The following MAP3K14 variants were observed in gnomAD, a reference collection of about 807,000 sequenced individuals.
MAP3K14 encodes the protein NF-kappa-beta-inducing kinase.
A neutral mutation model predicts 99.2 loss-of-function variants in MAP3K14; 16 were observed. The ratio of observed to expected loss-of-function variants is 0.16; its 90% confidence interval spans 0.11 to 0.24. The LOEUF (loss-of-function observed/expected upper bound fraction) is 0.24, where lower values mean the gene tolerates loss of function less well. MAP3K14 is among the 10% of genes least tolerant of loss of function. The pLI, the probability that MAP3K14 is intolerant of heterozygous loss-of-function variation, is 1.00. For synonymous variants in MAP3K14, 462 were observed against 492.4 expected (o/e 0.94, Z 0.82); for missense variants, 784 against 1,208.7 (o/e 0.65, Z 5.21).
At position 45,264,759 on chromosome 17, in the gene MAP3K14, C is replaced by T. The variant is rs755774586; in HGVS notation, c.2721G>A (p.Gln907=). 1.2e-6 allele frequency: 2 copies of T among 1,613,452 alleles called. No individual in the cohort carries two copies. Among genetic ancestry groups the T allele is most frequent in the Non-Finnish European group, 1.7e-6 (2 of 1,179,696 alleles). ...GCACCTCCATGTCGTAGCGAACAGG[C>T]TGCCCGTCTTTGGTGACCAAGCTGA... ...AAFSLVTKDG[Q]PVRYDMEVPD... The change falls in exon 16 of 16, where the codon CAG becomes CAA. Residue 907 remains glutamine (Q), a synonymous_variant. Transcript: ENST00000344686.
intron 6 of MAP3K14, among the ~76,000 whole-genome samples, chr17:45,276,825 T>TTC (rs2044184104): frequency 5.6e-5 from 2 of 35,898 alleles, no homozygotes; most frequent in Non-Finnish European, 1.3e-4. Context: ...TTAGACTTCT[T>TTC]TTTTTTTTTT....
intron 1 of MAP3K14, among the ~76,000 whole-genome samples, chr17:45,294,967 G>A (rs904317307): frequency 6.6e-6 from 1 of 152,248 alleles, no homozygotes; most frequent in African/African-American, 2.4e-5. Flanking sequence ...GGACAGTGCT[G>A]TTCTGAGGTG....
rs537325979 is a variant in MAP3K14 at position 45,307,093 on chromosome 17, A to G, written c.-21+9867T>C. ...GCCAACATGGCAAAACGCTGCCTCC[A>G]CTAGAAATACAAAAATTAGCTGGGT... On this transcript the variant is annotated intron_variant, in intron 1 of 15. Coordinates refer to ENST00000344686, the MANE Select transcript of MAP3K14 (RefSeq NM_003954.5). Among the ~76,000 whole-genome samples, 7 of 152,224 alleles carry G rather than the reference A, an allele frequency of 4.6e-5. No homozygotes were observed. The South Asian group carries it at 1.0e-3, about 23-fold the overall frequency.
In MAP3K14 at chr17:45,287,357, C is replaced by A; in HGVS notation, c.334G>T (p.Glu112Ter). 6.2e-7 allele frequency: 1 copy of A among 1,613,912 alleles called. No homozygotes were observed. The highest frequency in any genetic ancestry group is 1.1e-5 in the South Asian group (1 of 91,064). ...IAGSKQYSQS[E>*]SLDQIPNNVA... ...TTGTTGGGGATCTGATCAAGACTCT[C>A]GGACTGGCTGTCACAAAAGGGACAG... is the stretch of plus-strand genomic sequence containing the variant. The change falls in exon 4 of 16, where the codon GAG becomes TAG. Residue 112 changes from glutamate (E) to a stop codon, truncating the protein, a stop_gained. Transcript: ENST00000344686. LOFTEE classifies it high-confidence loss of function.
At chr17:45,303,154 G>A (rs760279556) in intron 1 of MAP3K14, among the ~76,000 whole-genome samples, 18 of 152,232 alleles carry the variant, frequency 1.2e-4, no homozygotes, top group African/African-American at 2.9e-4. Flanking sequence ...CACTGCTTGC[G>A]CAAAGGGGTG....
At chr17:45,313,556 C>A (rs547453387) in intron 1 of MAP3K14, among the ~76,000 whole-genome samples, 2 of 152,304 alleles carry the variant, frequency 1.3e-5, no homozygotes, top group South Asian at 4.1e-4. Context: ...TCTGACCTGA[C>A]AGCCTCAGCC....
At chr17:45,273,383 CG>C (rs1053134105) in intron 9 of MAP3K14, 119 bp downstream of exon 9, 1 of 702,812 alleles carries the variant, frequency 1.4e-6, no homozygotes, top group Non-Finnish European at 2.5e-6. Flanking sequence ...AGGCTGGTTG[CG>C]GGGCTTAAAC....
intron 1 of MAP3K14, among the ~76,000 whole-genome samples, chr17:45,295,822 A>G (rs1033439920): frequency 3.9e-5 from 6 of 152,172 alleles, no homozygotes; most frequent in African/African-American, 1.4e-4. Context: ...AAGAGGCTAA[A>G]TGAATGTTCA....
chr17:45,276,976 C>T (rs1167765892), intron 6 of MAP3K14, among the ~76,000 whole-genome samples: 4 of 151,570 alleles, frequency 2.6e-5, no homozygotes, highest in African/African-American at 4.9e-5. Context: ...ATTACAGGCA[C>T]GTGCCACCAC....
In MAP3K14 at chr17:45,267,972, G is replaced by A. The variant is rs1044886085; in HGVS notation, c.1973-213C>T. The A allele has an allele frequency of 7.8e-5, 39 of 496,936 alleles. No individual in the cohort carries two copies. Among genetic ancestry groups the A allele is most frequent in the Admixed American group, 2.1e-4 (5 of 24,274 alleles). The allele number at this position is 496,936 out of a possible 1,614,324, so 30.8% of individuals were successfully genotyped here. ...AATGGTCCCAATATGACAGGGATAGGACTGGATTTCTGTCTTTGATTCTGT... is the reference window on the plus strand; with the variant it reads ...AATGGTCCCAATATGACAGGGATAGAACTGGATTTCTGTCTTTGATTCTGT... On this transcript the variant is annotated intron_variant, in intron 11 of 15. Coordinates refer to ENST00000344686, the MANE Select transcript of MAP3K14 (RefSeq NM_003954.5). This position sits in a 1 kb window ranked among gnomAD's most constrained non-coding sequence, Gnocchi z 5.1.
At chr17:45,273,990 C>T in intron 8 of MAP3K14, 133 bp downstream of exon 8, 1 of 1,056,252 alleles carries the variant, frequency 9.5e-7, no homozygotes, top group Non-Finnish European at 1.4e-6. Context: ...TTCCTACAGG[C>T]ACAGTCCTGT....
intron 8 of MAP3K14, chr17:45,273,849 C>T (rs956516676): frequency 3.1e-6 from 2 of 647,100 alleles, no homozygotes; most frequent in East Asian, 2.7e-5. Flanking sequence ...GGAACGCTGC[C>T]ACTCTGCTCG....
At chr17:45,306,100 C>T (rs1329640964) in intron 1 of MAP3K14, among the ~76,000 whole-genome samples, 2 of 152,270 alleles carry the variant, frequency 1.3e-5, no homozygotes, top group African/African-American at 4.8e-5. Context: ...TTATTATCTG[C>T]CATGTATTAG....
intron 1 of MAP3K14, among the ~76,000 whole-genome samples, chr17:45,315,881 A>T (rs2044527460): frequency 6.6e-6 from 1 of 152,208 alleles, no homozygotes; most frequent in Admixed American, 6.5e-5. Flanking sequence ...CTAAGCAAAA[A>T]ACACATCACT....
chr17:45,297,490 G>C (rs1242576086), intron 1 of MAP3K14, among the ~76,000 whole-genome samples: 1 of 152,110 alleles, frequency 6.6e-6, no homozygotes, highest in African/African-American at 2.4e-5. Context: ...GGTTTTAACA[G>C]GTCGTTTCAT....
At chr17:45,273,760 G>C (rs2072090) in intron 8 of MAP3K14, 153 bp from the exon 9 acceptor site, 376,401 of 707,042 alleles carry the variant, frequency 0.53, 100,722 homozygotes, top group East Asian at 0.56. Flanking sequence ...TAATCGTGGA[G>C]GAAGGGAGGA....
At chr17:45,276,177 G>A (rs555186908) in intron 6 of MAP3K14, among the ~76,000 whole-genome samples, 2 of 152,294 alleles carry the variant, frequency 1.3e-5, no homozygotes, top group South Asian at 4.1e-4. Flanking sequence ...GGAGGCTTCT[G>A]GGGAGTGGCC....
At chr17:45,294,820 G>A (rs537890979) in intron 1 of MAP3K14, among the ~76,000 whole-genome samples, 1 of 152,308 alleles carries the variant, frequency 6.6e-6, no homozygotes, top group East Asian at 1.9e-4. Context: ...TGTCCAAAAT[G>A]GTAGCCACTA....
chr17:45,316,670 G>A (rs2143896136), intron 1 of MAP3K14, among the ~76,000 whole-genome samples: 1 of 152,226 alleles, frequency 6.6e-6, no homozygotes, highest in Admixed American at 6.5e-5. Context: ...ACTAGTGAAG[G>A]GGAAGCAGGC....
Sources: gnomAD v4.1 joint callset for allele counts (sites outside exome capture counted in the v4.1 genomes callset) on GRCh38, gnomAD v4.1.1 for gene constraint, Gnocchi (gnomAD v3.1) non-coding constraint, MANE v1.5 for transcripts, NCBI Gene and HGNC (gene_info 2026-07-23, HGNC 2026-07-21) for gene names.